SLC30A5: variants seen among roughly 807,000 people sequenced by gnomAD.
The protein encoded by SLC30A5 is proton-coupled zinc antiporter SLC30A5.
A neutral mutation model predicts 79.6 loss-of-function variants in SLC30A5; 33 were observed. The ratio of observed to expected loss-of-function variants is 0.41; its 90% confidence interval spans 0.31 to 0.55. SLC30A5 has a LOEUF of 0.55. Among genes scored for constraint, SLC30A5 ranks in the 20% least tolerant of loss-of-function variants. The pLI, the probability that SLC30A5 is intolerant of heterozygous loss-of-function variation, is 0.20. For missense variants in SLC30A5, 788 were observed against 928.1 expected, an observed-to-expected ratio of 0.85 and a Z score of 1.96; for synonymous variants, 299 against 319.7, an observed-to-expected ratio of 0.94 and a Z score of 0.69.
rs927738594 is a variant in SLC30A5, at chr5:69,104,499, AT to A, written c.274-129del. 3 of 1,393,450 alleles carry A rather than the reference AT, an allele frequency of 2.2e-6. No individual in the cohort carries two copies. The African/African-American group carries it at 4.5e-5, about 21-fold the overall frequency. The allele number at this position is 1,393,450 out of a possible 1,614,324, so 86.3% of individuals were successfully genotyped here. A position where few individuals can be genotyped will look rare whatever the true frequency, so the allele number is the denominator to read the frequency against. Reference sequence around the variant, plus strand: ...TTAGTCAAGGGATCTTATGTTTTCTATTTACAAAATATGTAATGATTTCACC... The same window carrying A: ...TTAGTCAAGGGATCTTATGTTTTCTATTACAAAATATGTAATGATTTCACC... On this transcript the variant is annotated intron_variant, in intron 3 of 15. Transcript: ENST00000396591.
chr5:69,103,784 C>T (rs1240019912), intron 3 of SLC30A5, among the ~76,000 whole-genome samples: 1 of 152,226 alleles, frequency 6.6e-6, no homozygotes, highest in Non-Finnish European at 1.5e-5. Context: ...ATCGTCACTT[C>T]TTTGGGCAGC....
intron 12 of SLC30A5, among the ~76,000 whole-genome samples, chr5:69,119,479 G>A (rs1220364807): frequency 1.3e-5 from 2 of 152,032 alleles, no homozygotes; most frequent in African/African-American, 4.8e-5. Context: ...ATTAAGATAT[G>A]TAAGTATCTT....
intron 14 of SLC30A5, among the ~76,000 whole-genome samples, chr5:69,124,336 T>G (rs530550854): frequency 6.6e-6 from 1 of 150,854 alleles, no homozygotes; most frequent in Non-Finnish European, 1.5e-5. Context: ...AAAGAAGAAA[T>G]AAAAATAGGT....
chr5:69,121,882 T>A lies in SLC30A5; in HGVS notation c.1758T>A (p.Asn586Lys). The change falls in exon 13 of 16, where the codon AAT becomes AAA. Residue 586 changes from asparagine (N) to lysine (K), a missense_variant. Transcript: ENST00000396591. ...HSHGSAGGGMNANMRGVFLHV... is the reference protein window; with the variant it reads ...HSHGSAGGGMKANMRGVFLHV... Reference sequence around the variant, plus strand: ...ACGGATCTGCGGGTGGAGGCATGAATGCTAACATGAGGGGTGAGTCCTTGC... The same window carrying A: ...ACGGATCTGCGGGTGGAGGCATGAAAGCTAACATGAGGGGTGAGTCCTTGC... 6.2e-7 allele frequency: 1 copy of A among 1,613,406 alleles called. No individual in the cohort carries two copies. The highest frequency in any genetic ancestry group is 8.5e-7 in the Non-Finnish European group (1 of 1,179,724).
chr5:69,104,132 C>A, intron 3 of SLC30A5: 2 of 1,116,954 alleles, frequency 1.8e-6, no homozygotes, highest in South Asian at 2.0e-5. Context: ...GAATACTGTC[C>A]TTTTTTTTTT....
chr5:69,100,241 T>C (rs1215741608), intron 1 of SLC30A5, among the ~76,000 whole-genome samples: 1 of 152,134 alleles, frequency 6.6e-6, no homozygotes, highest in African/African-American at 2.4e-5. Context: ...GTGCTGGGAT[T>C]ACAGGCATGA....
chr5:69,121,680 C>G lies in SLC30A5; in HGVS notation c.1570-14C>G. On this transcript the variant is annotated splice_polypyrimidine_tract_variant and intron_variant, in intron 12 of 15. Transcript: ENST00000396591. The stretch of plus-strand genomic sequence containing the variant: ...AATTACTAATTTAAAGGTTTTTTTT[C>G]TCCCTTTTGCTAGCCAGTCTCAGTT... 6.4e-7 allele frequency: 1 copy of G among 1,558,684 alleles called. No homozygotes were observed.
At chr5:69,108,524 T>A in intron 5 of SLC30A5, 88 bp downstream of exon 5, 1 of 1,047,994 alleles carries the variant, frequency 9.5e-7, no homozygotes. Context: ...CTTTCACCAT[T>A]TAAAAGAATG....
Position 69,128,141 on chromosome 5 carries a change from T to G in SLC30A5, c.2127+9T>G, listed in dbSNP as rs374893227. The stretch of plus-strand genomic sequence containing the variant: ...AAAGAATAGTACAGCAGGTAATCTT[T>G]TGTTTTTAAAGTAATTTTAATTGAG... On this transcript the variant is annotated intron_variant, in intron 15 of 15. Coordinates refer to ENST00000396591, the MANE Select transcript of SLC30A5 (RefSeq NM_022902.5). The G allele has an allele frequency of 6.2e-7, 1 of 1,602,156 alleles. No homozygotes were observed. The highest frequency in any genetic ancestry group is 1.1e-5 in the South Asian group (1 of 89,348).
chr5:69,111,316 T>C, intron 5 of SLC30A5, among the ~76,000 whole-genome samples: 1 of 140,390 alleles, frequency 7.1e-6, no homozygotes, highest in Non-Finnish European at 1.5e-5. Context: ...TCTTTTTTTT[T>C]TTTTTTGAGA....
At chr5:69,127,527 T>C (rs559890430) in intron 14 of SLC30A5, among the ~76,000 whole-genome samples, 20 of 150,392 alleles carry the variant, frequency 1.3e-4, no homozygotes, top group Admixed American at 2.6e-4. Flanking sequence ...GCACCCGTAG[T>C]CAGCTACTTG....
chr5:69,113,304 G>A, intron 6 of SLC30A5, 77 bp downstream of exon 6: 1 of 1,086,532 alleles, frequency 9.2e-7, no homozygotes, highest in East Asian at 2.4e-5. Flanking sequence ...AAAAAGAAAG[G>A]ATAAGTGAAT....
intron 5 of SLC30A5, 111 bp downstream of exon 5, chr5:69,108,547 C>T (rs1746146509): frequency 1.2e-6 from 1 of 855,224 alleles, no homozygotes; most frequent in Admixed American, 2.0e-5. Flanking sequence ...GGAGGCTGAG[C>T]GCGATGGCTC....
rs754574018 is a variant in SLC30A5 at position 69,117,288 on chromosome 5, G to T, written c.1331G>T (p.Gly444Val). 1 of 1,613,714 alleles carries T rather than the reference G, an allele frequency of 6.2e-7. No individual in the cohort carries two copies. Among genetic ancestry groups the T allele is most frequent in the South Asian group, 1.1e-5 (1 of 91,058 alleles). ...LFYGVLTNSL[G>V]LISDGFHMLF... ...TATGGCGTGCTGACCAATAGTCTGGGCCTGATCTCGGATGGATTCCACATG... is the reference window on the plus strand; with the variant it reads ...TATGGCGTGCTGACCAATAGTCTGGTCCTGATCTCGGATGGATTCCACATG... Residue 444 changes from glycine to valine, a missense_variant, in exon 11 of 16, where the codon GGC becomes GTC. This residue lies in a region of SLC30A5 where 626 missense variants were observed against 755.5 expected (regional missense o/e 0.83). Coordinates refer to ENST00000396591, the MANE Select transcript of SLC30A5 (RefSeq NM_022902.5).
chr5:69,123,148 CTAAAT>C (rs1348007520), intron 13 of SLC30A5, 46 bp from the exon 14 acceptor site: 5 of 1,322,252 alleles, frequency 3.8e-6, no homozygotes, highest in Non-Finnish European at 4.2e-6. Context: ...TATTAAAAAA[CTAAAT>C]TAGATGTGCC....
chr5:69,122,435 C>G (rs1465740905), intron 13 of SLC30A5, among the ~76,000 whole-genome samples: 1 of 152,136 alleles, frequency 6.6e-6, no homozygotes, highest in East Asian at 1.9e-4. Context: ...GGGTGGATCA[C>G]CTGAGGTCAG....
intron 1 of SLC30A5, among the ~76,000 whole-genome samples, chr5:69,095,156 ATAAATTCT>A (rs899151247): frequency 1.3e-5 from 2 of 151,254 alleles, no homozygotes; most frequent in Non-Finnish European, 2.9e-5. Flanking sequence ...GATAAATGTG[ATAAATTCT>A]TTAGAACTGT....
chr5:69,105,255 G>A (rs1339739294), intron 4 of SLC30A5, among the ~76,000 whole-genome samples: 1 of 152,184 alleles, frequency 6.6e-6, no homozygotes, highest in Non-Finnish European at 1.5e-5. Flanking sequence ...AAGTGGACTG[G>A]TTTAAGGAGG....
chr5:69,115,481 G>A (rs1032640603), intron 8 of SLC30A5, 74 bp downstream of exon 8: 3 of 1,162,680 alleles, frequency 2.6e-6, no homozygotes, highest in Non-Finnish European at 2.4e-6. Context: ...TTAGTTCACT[G>A]TATTCAATAA....
Sources: allele counts gnomAD v4.1 joint callset (sites outside exome capture counted in the v4.1 genomes callset), GRCh38; gene constraint gnomAD v4.1.1; regional missense constraint gnomAD v4.1.1; transcripts MANE v1.5; gene names NCBI Gene and HGNC (gene_info 2026-07-23, HGNC 2026-07-21).